The following KCNH8 variants were observed in gnomAD, a reference collection of about 807,000 sequenced individuals.
KCNH8 encodes voltage-gated delayed rectifier potassium channel KCNH8.
Under a neutral mutation model 103.6 loss-of-function variants are expected in KCNH8, and 70 were observed. That is an observed-to-expected ratio of 0.68 (90% CI 0.56 to 0.82). The LOEUF is 0.82. KCNH8 is among the 40% of genes least tolerant of loss of function. KCNH8 has a pLI of 0.00. For missense variants in KCNH8, 1,217 were observed against 1,329.9 expected, an observed-to-expected ratio of 0.92 and a Z score of 1.32; for synonymous variants, 498 against 489.4, an observed-to-expected ratio of 1.02 and a Z score of -0.23.
chr3:19,451,495 GGAAAA>G (rs1375234860), intron 10 of KCNH8, 91 bp downstream of exon 10: 5 of 1,164,956 alleles, frequency 4.3e-6, no homozygotes, highest in Non-Finnish European at 6.2e-6. Context: ...ATTGAGAGTA[GGAAAA>G]GAACAGATGA....
chr3:19,351,671 A>G (rs1485545646), intron 5 of KCNH8, among the ~76,000 whole-genome samples: 1 of 152,206 alleles, frequency 6.6e-6, no homozygotes, highest in Non-Finnish European at 1.5e-5. Flanking sequence ...AATCCTTTAC[A>G]GACAAGCAAA....
chr3:19,280,370 A>G (rs767749811), intron 2 of KCNH8, among the ~76,000 whole-genome samples: 27 of 152,176 alleles, frequency 1.8e-4, no homozygotes, highest in Admixed American at 3.9e-4. Flanking sequence ...CATAAAGATC[A>G]TGTAACAAAA....
chr3:19,293,146 A>G (rs565304157), intron 3 of KCNH8, among the ~76,000 whole-genome samples: 33 of 152,174 alleles, frequency 2.2e-4, no homozygotes, highest in Non-Finnish European at 4.0e-4. Flanking sequence ...TAGAAGAATG[A>G]GACTTAGAGT....
At chr3:19,485,922 T>TC (rs2068197432) in intron 11 of KCNH8, among the ~76,000 whole-genome samples, 1 of 152,214 alleles carries the variant, frequency 6.6e-6, no homozygotes, top group African/African-American at 2.4e-5. Flanking sequence ...TGTATAATGC[T>TC]CCATGCACTT....
chr3:19,260,988 A>C (rs1308151839), intron 2 of KCNH8, among the ~76,000 whole-genome samples: 1 of 142,274 alleles, frequency 7.0e-6, no homozygotes, highest in Non-Finnish European at 1.5e-5. Context: ...ATATATATAT[A>C]TATATCAGTT....
At chr3:19,477,155 A>G in intron 11 of KCNH8, among the ~76,000 whole-genome samples, 1 of 152,254 alleles carries the variant, frequency 6.6e-6, no homozygotes, top group Non-Finnish European at 1.5e-5. Context: ...ATTTAAGTAT[A>G]TGGCCTATTT....
At chr3:19,524,090 A>G (rs2069020540) in intron 15 of KCNH8, among the ~76,000 whole-genome samples, 1 of 151,924 alleles carries the variant, frequency 6.6e-6, no homozygotes, top group South Asian at 2.1e-4. Context: ...AATATTTCAC[A>G]TAAGGAAACC....
intron 1 of KCNH8, among the ~76,000 whole-genome samples, chr3:19,196,631 T>C (rs77817980): frequency 0.069 from 10,516 of 152,064 alleles, 1,264 homozygotes; most frequent in African/African-American, 0.24. Context: ...TGTGGATGTG[T>C]GAATACATCA....
chr3:19,352,772 G>C (rs572154971), intron 5 of KCNH8, among the ~76,000 whole-genome samples: 1 of 152,256 alleles, frequency 6.6e-6, no homozygotes, highest in East Asian at 1.9e-4. Flanking sequence ...ATGCCCACAA[G>C]AGAAAGCAGG....
intron 2 of KCNH8, among the ~76,000 whole-genome samples, chr3:19,273,917 T>A (rs970930873): frequency 6.6e-6 from 1 of 152,200 alleles, no homozygotes; most frequent in African/African-American, 2.4e-5. Flanking sequence ...GTGGTTCTAC[T>A]CTTATTCCTG....
intron 1 of KCNH8, among the ~76,000 whole-genome samples, chr3:19,167,184 C>T (rs1161965433): frequency 6.6e-6 from 1 of 152,148 alleles, no homozygotes; most frequent in African/African-American, 2.4e-5. Flanking sequence ...GTAAATGACA[C>T]AGACAACACT....
At chr3:19,191,988 G>T (rs2063557563) in intron 1 of KCNH8, among the ~76,000 whole-genome samples, 1 of 150,510 alleles carries the variant, frequency 6.6e-6, no homozygotes, top group Non-Finnish European at 1.5e-5. Flanking sequence ...ATATTTCCTT[G>T]GGGTAGTAGA....
chr3:19,526,336 A>C (rs570167837), intron 15 of KCNH8, among the ~76,000 whole-genome samples: 2 of 152,004 alleles, frequency 1.3e-5, no homozygotes, highest in Non-Finnish European at 2.9e-5. Flanking sequence ...CGGAAGTTCC[A>C]GTTATACTCA....
chr3:19,168,230 G>A (rs1207206635), intron 1 of KCNH8, among the ~76,000 whole-genome samples: 2 of 151,974 alleles, frequency 1.3e-5, no homozygotes, highest in Admixed American at 1.3e-4. Flanking sequence ...GTTTCGCCAT[G>A]TTGAGTAGGC....
chr3:19,513,436 G>A, intron 13 of KCNH8, 111 bp downstream of exon 13: 1 of 1,409,062 alleles, frequency 7.1e-7, no homozygotes, highest in Non-Finnish European at 9.5e-7. Flanking sequence ...TCCTAGCCTG[G>A]AATCCTCAGC....
intron 11 of KCNH8, among the ~76,000 whole-genome samples, chr3:19,505,271 C>G (rs1038779706): frequency 2.0e-5 from 3 of 151,502 alleles, no homozygotes; most frequent in African/African-American, 7.3e-5. Flanking sequence ...ACATGGACAC[C>G]AAGAGGGGAA....
intron 11 of KCNH8, among the ~76,000 whole-genome samples, chr3:19,493,091 A>C (rs2068361867): frequency 6.6e-6 from 1 of 152,126 alleles, no homozygotes. Flanking sequence ...CTAAAACCTT[A>C]CTAAAATTGT....
Position 19,148,556 on chromosome 3 carries a change from C to G in KCNH8, c.-164C>G, listed in dbSNP as rs764674640. 1.5e-6 allele frequency: 1 copy of G among 676,876 alleles called. No homozygotes were observed. The highest frequency in any genetic ancestry group is 2.6e-6 in the Non-Finnish European group (1 of 378,100). 41.9% of individuals were successfully genotyped at this position (676,876 alleles called of 1,614,324 possible). A position where few individuals can be genotyped will look rare whatever the true frequency, so the allele number is the denominator to read the frequency against. The stretch of plus-strand genomic sequence containing the variant: ...ACAGCCGGGGCGGCTGGAACTCTCT[C>G]CCTTTCTCCCTCCATCCTTCCACTT... On this transcript the variant is annotated 5_prime_UTR_variant, in exon 1 of 16. Coordinates refer to ENST00000328405, the MANE Select transcript of KCNH8 (RefSeq NM_144633.3).
intron 5 of KCNH8, among the ~76,000 whole-genome samples, chr3:19,377,136 G>A (rs2066220194): frequency 6.6e-6 from 1 of 152,180 alleles, no homozygotes; most frequent in Non-Finnish European, 1.5e-5. Context: ...AGAAATAGCA[G>A]GGAGGTTAAC....
Sources: allele counts gnomAD v4.1 joint callset (sites outside exome capture counted in the v4.1 genomes callset), GRCh38; gene constraint gnomAD v4.1.1; transcripts MANE v1.5; gene names NCBI Gene and HGNC (gene_info 2026-07-23, HGNC 2026-07-21).